Variants in GPR155 observed in about 807,000 individuals in gnomAD.
The protein encoded by GPR155 is lysosomal cholesterol signaling protein.
Under a neutral mutation model 93.1 loss-of-function variants are expected in GPR155, and 65 were observed. The observed-to-expected ratio is 0.70, with a 90% CI of 0.57 to 0.86. The LOEUF (loss-of-function observed/expected upper bound fraction) is 0.86. GPR155 is among the 40% of genes least tolerant of loss of function. The probability of loss-of-function intolerance (pLI) is 0.00; values close to 1 mark genes in which losing one functional copy is unlikely to be tolerated. For missense variants in GPR155, 838 were observed against 1,034.8 expected (o/e 0.81, Z 2.61); for synonymous variants, 319 against 360.1 (o/e 0.89, Z 1.29).
intron 15 of GPR155, among the ~76,000 whole-genome samples, chr2:174,438,166 G>GAAGGCT (rs1205848258): frequency 3.3e-5 from 5 of 152,026 alleles, no homozygotes; most frequent in African/African-American, 1.2e-4. Context: ...GCTGAGCCCA[G>GAAGGCT]GAGATTGGGG....
chr2:174,468,001 G>A (rs1351181885), intron 5 of GPR155, among the ~76,000 whole-genome samples: 1 of 152,190 alleles, frequency 6.6e-6, no homozygotes, highest in African/African-American at 2.4e-5. Flanking sequence ...CTCCCAAAGT[G>A]TTGGGATTAC....
intron 5 of GPR155, 115 bp downstream of exon 5, chr2:174,468,797 G>A: frequency 1.1e-6 from 1 of 898,454 alleles, no homozygotes; most frequent in South Asian, 1.7e-5. Context: ...TTTATGGGCA[G>A]GCTTTAGCTT....
chr2:174,455,118 C>T (rs1469920963), intron 10 of GPR155, among the ~76,000 whole-genome samples: 1 of 151,906 alleles, frequency 6.6e-6, no homozygotes, highest in African/African-American at 2.4e-5. Flanking sequence ...TGCTAATTAC[C>T]CTGATTTGAT....
At position 174,435,625 on chromosome 2, in the gene GPR155, C is replaced by T. The variant is rs377233231; in HGVS notation, c.*491G>A. ...TAGCTGGGATTACAGGCACCCGCCACCACACCCAACTAATTTTTTGTATTT... is the reference window on the plus strand; with the variant it reads ...TAGCTGGGATTACAGGCACCCGCCATCACACCCAACTAATTTTTTGTATTT... On this transcript the variant is annotated 3_prime_UTR_variant, in exon 16 of 16. Coordinates refer to ENST00000392552, the MANE Select transcript of GPR155 (RefSeq NM_152529.7). 2 of 152,854 alleles carry T rather than the reference C, an allele frequency of 1.3e-5. No homozygotes were observed. The highest frequency in any genetic ancestry group is 4.8e-5 in the African/African-American group (2 of 41,422). 9.5% of individuals were successfully genotyped at this position (152,854 alleles called of 1,614,324 possible).
chr2:174,446,948 A>G (rs920996058), intron 11 of GPR155, among the ~76,000 whole-genome samples: 2 of 152,216 alleles, frequency 1.3e-5, no homozygotes, highest in Non-Finnish European at 2.9e-5. Context: ...CTCAAAAAAC[A>G]TAAGTAGAAT....
At chr2:174,445,709 T>C (rs755137234) in intron 12 of GPR155, among the ~76,000 whole-genome samples, 1 of 152,184 alleles carries the variant, frequency 6.6e-6, no homozygotes. Flanking sequence ...TAATAAGAAC[T>C]GATAATTCAC....
rs1263562268 is a variant in GPR155, at chr2:174,452,858, G to T, written c.1876+879C>A. Among the ~76,000 whole-genome samples the T allele has an allele frequency of 3.3e-5, 5 of 152,210 alleles. No homozygotes were observed. In the East Asian group the frequency reaches 9.7e-4, roughly 29 times the overall value. On this transcript the variant is annotated intron_variant, in intron 11 of 15. Coordinates refer to ENST00000392552, the MANE Select transcript of GPR155 (RefSeq NM_152529.7). ...GTAGAGACGGGGTTTCACCATGTTG[G>T]CCAGGCTGGTCTCGAACTCCTGACC...
At chr2:174,468,467 A>G (rs1396683232) in intron 5 of GPR155, among the ~76,000 whole-genome samples, 1 of 152,232 alleles carries the variant, frequency 6.6e-6, no homozygotes, top group East Asian at 1.9e-4. Flanking sequence ...CTTGAACTCA[A>G]AGATACCTTC....
intron 9 of GPR155, 131 bp downstream of exon 9, chr2:174,461,271 G>C: frequency 1.6e-6 from 1 of 634,540 alleles, no homozygotes. Flanking sequence ...AAGTGATATA[G>C]GATCACCAAT....
chr2:174,470,195 C>T (rs1174390263), intron 4 of GPR155, among the ~76,000 whole-genome samples, 195 bp downstream of exon 4: 2 of 152,152 alleles, frequency 1.3e-5, no homozygotes, highest in Non-Finnish European at 2.9e-5. Context: ...CACGGTGGCT[C>T]ATGCCTGTAA....
chr2:174,443,231 C>G (rs1379366163), intron 13 of GPR155, among the ~76,000 whole-genome samples: 1 of 151,772 alleles, frequency 6.6e-6, no homozygotes, highest in Non-Finnish European at 1.5e-5. Context: ...GTGGGCATAG[C>G]CATTTTTGCT....
rs1207397567 is a variant in GPR155, at chr2:174,434,399, A to G, written c.*1717T>C. The G allele has an allele frequency of 1.3e-5, 2 of 152,022 alleles. No individual in the cohort carries two copies. Among genetic ancestry groups the G allele is most frequent in the Non-Finnish European group, 2.9e-5 (2 of 68,014 alleles). 9.4% of individuals were successfully genotyped at this position (152,022 alleles called of 1,614,324 possible). ...ACACAGAAATGATACATCATATGGC[A>G]ATAATTTTGTTGATAAAATTCAAAT... On this transcript the variant is annotated 3_prime_UTR_variant, in exon 16 of 16. Transcript: ENST00000392552.
At chr2:174,484,156 T>C (rs1049203279) in intron 1 of GPR155, among the ~76,000 whole-genome samples, 3 of 152,170 alleles carry the variant, frequency 2.0e-5, no homozygotes. Context: ...AGGACAAGTA[T>C]TTTCCTACTA....
chr2:174,457,020 A>G (rs563413440), intron 10 of GPR155, among the ~76,000 whole-genome samples: 1 of 152,300 alleles, frequency 6.6e-6, no homozygotes, highest in East Asian at 1.9e-4. Flanking sequence ...TCTTTTAAAA[A>G]AGAAAACTGG....
Position 174,436,373 on chromosome 2 carries a change from G to A in GPR155, c.2356C>T (p.Leu786=). 6.2e-7 allele frequency: 1 copy of A among 1,614,106 alleles called. No homozygotes were observed. Among genetic ancestry groups the A allele is most frequent in the African/African-American group, 1.3e-5 (1 of 75,022 alleles). The change falls in exon 16 of 16, where the codon CTG becomes TTG. Residue 786 remains leucine, a synonymous_variant. Transcript: ENST00000392552. ...TSAGTFCGCD[L]VSWLIEVGLA... is the part of the protein sequence containing the mutation. The stretch of plus-strand genomic sequence containing the variant: ...CCGACTTCAATTAGCCAGCTCACCA[G>A]GTCACAGCCACAGAAAGTTCCAGCA...
At chr2:174,473,416 T>C (rs1004875231) in intron 2 of GPR155, 52 bp from the exon 3 acceptor site, 9 of 1,157,230 alleles carry the variant, frequency 7.8e-6, no homozygotes, top group African/African-American at 1.6e-5. Flanking sequence ...AATACAGATA[T>C]ATGTTATGTA....
rs140238833 is a variant in GPR155, at chr2:174,481,939, A to C, written c.18T>G (p.Pro6=). Reference sequence around the variant, plus strand: ...TGACTGCAATGGTTAAGTTCTCTGCAGGTAAATTAGAATTCATTTTCTCTC... The same window carrying C: ...TGACTGCAATGGTTAAGTTCTCTGCCGGTAAATTAGAATTCATTTTCTCTC... MNSNL[P]AENLTIAVNM... The change falls in exon 2 of 16, where the codon CCT becomes CCG. Residue 6 remains proline (P), a synonymous_variant. Coordinates refer to ENST00000392552, the MANE Select transcript of GPR155 (RefSeq NM_152529.7). 1 of 1,608,570 alleles carries C rather than the reference A, an allele frequency of 6.2e-7. No homozygotes were observed. The highest frequency in any genetic ancestry group is 8.5e-7 in the Non-Finnish European group (1 of 1,175,822).
At chr2:174,469,291 T>C (rs1035254697) in intron 4 of GPR155, among the ~76,000 whole-genome samples, 1 of 152,228 alleles carries the variant, frequency 6.6e-6, no homozygotes, top group Non-Finnish European at 1.5e-5. Flanking sequence ...ATGCTTAATT[T>C]ATATTTACGC....
intron 13 of GPR155, 128 bp from the exon 14 acceptor site, chr2:174,442,311 G>T (rs1686989534): frequency 1.7e-6 from 1 of 601,528 alleles, no homozygotes; most frequent in Non-Finnish European, 3.1e-6. Context: ...AACATTTTAA[G>T]TGGAACACAC....
Sources: gnomAD v4.1 joint callset for allele counts (sites outside exome capture counted in the v4.1 genomes callset) on GRCh38, gnomAD v4.1.1 for gene constraint, MANE v1.5 for transcripts, NCBI Gene and HGNC (gene_info 2026-07-23, HGNC 2026-07-21) for gene names.